The following GALNT13 variants were observed in gnomAD, a reference collection of about 807,000 sequenced individuals.
The protein encoded by GALNT13 is UDP-GalNAc:polypeptide N-acetylgalactosaminyltransferase 13.
Under a neutral mutation model 64.2 loss-of-function variants are expected in GALNT13, and 28 were observed. That is an observed-to-expected ratio of 0.44 (90% CI 0.32 to 0.60). The LOEUF (loss-of-function observed/expected upper bound fraction) is 0.60. GALNT13 is among the 20% of genes least tolerant of loss of function. The pLI is 0.05. For synonymous variants in GALNT13, 214 were observed against 224.6 expected (o/e 0.95, Z 0.42); for missense variants, 577 against 669.8 (o/e 0.86, Z 1.53).
the GALNT13 span, among the ~76,000 whole-genome samples, chr2:153,656,791 G>A: frequency 3.3e-5 from 5 of 152,056 alleles, no homozygotes; most frequent in East Asian, 1.9e-4. Flanking sequence ...CAGGAGAACC[G>A]GGGCATCAAA....
At chr2:153,607,524 C>T in the GALNT13 span, among the ~76,000 whole-genome samples, 1 of 151,958 alleles carries the variant, frequency 6.6e-6, no homozygotes, top group Non-Finnish European at 1.5e-5. Context: ...ATTAAGAATC[C>T]TTTGTAATCA....
chr2:153,299,741 G>C, the GALNT13 span, among the ~76,000 whole-genome samples: 1 of 152,308 alleles, frequency 6.6e-6, no homozygotes, highest in East Asian at 1.9e-4. Context: ...CAGACCTTGA[G>C]GGCTGAATGG....
At chr2:153,403,824 T>C in the GALNT13 span, among the ~76,000 whole-genome samples, 1 of 152,170 alleles carries the variant, frequency 6.6e-6, no homozygotes, top group Non-Finnish European at 1.5e-5. Context: ...CTGCGCCCAC[T>C]GTCTGGCACT....
chr2:154,128,665 T>C (rs1422391694), intron 3 of GALNT13, among the ~76,000 whole-genome samples: 2 of 152,112 alleles, frequency 1.3e-5, no homozygotes, highest in Non-Finnish European at 2.9e-5. Flanking sequence ...TGATTAGATA[T>C]GTGATCACTG....
intron 9 of GALNT13, among the ~76,000 whole-genome samples, chr2:154,326,602 T>C (rs1038808159): frequency 6.6e-6 from 1 of 152,124 alleles, no homozygotes; most frequent in African/African-American, 2.4e-5. Context: ...CCTGTCTTGT[T>C]ACATAACAAT....
the GALNT13 span, among the ~76,000 whole-genome samples, chr2:153,757,602 A>G: frequency 6.6e-6 from 1 of 152,082 alleles, no homozygotes; most frequent in East Asian, 1.9e-4. Flanking sequence ...ATTCCCAACA[A>G]TAGTCTAGTA....
chr2:153,132,711 G>A, the GALNT13 span, among the ~76,000 whole-genome samples: 1 of 152,060 alleles, frequency 6.6e-6, no homozygotes, highest in Non-Finnish European at 1.5e-5. Context: ...AATCAGCATG[G>A]AATTATTAAA....
the GALNT13 span, among the ~76,000 whole-genome samples, chr2:153,720,630 C>T: frequency 6.6e-6 from 1 of 151,534 alleles, no homozygotes; most frequent in East Asian, 2.0e-4. Flanking sequence ...GCTGATCGAG[C>T]TGAAAACCAA....
At chr2:153,546,301 A>C in the GALNT13 span, among the ~76,000 whole-genome samples, 1 of 152,058 alleles carries the variant, frequency 6.6e-6, no homozygotes, top group African/African-American at 2.4e-5. Context: ...AGAATGATTG[A>C]AGAAGAGAGG....
At chr2:154,216,740 T>C (rs1252590527) in intron 4 of GALNT13, among the ~76,000 whole-genome samples, 1 of 151,640 alleles carries the variant, frequency 6.6e-6, no homozygotes, top group East Asian at 1.9e-4. Flanking sequence ...AAATGATTCA[T>C]TTTCCCTACT....
chr2:153,127,457 A>T, the GALNT13 span, among the ~76,000 whole-genome samples: 52 of 152,298 alleles, frequency 3.4e-4, no homozygotes, highest in Non-Finnish European at 5.9e-4. Context: ...CATTTCATCA[A>T]CATTCTTCCC....
the GALNT13 span, among the ~76,000 whole-genome samples, chr2:153,371,691 G>C: frequency 6.6e-6 from 1 of 152,120 alleles, no homozygotes; most frequent in African/African-American, 2.4e-5. Flanking sequence ...GGATTGGAAG[G>C]CTCAATAGAG....
chr2:153,106,288 A>G, the GALNT13 span, among the ~76,000 whole-genome samples: 1 of 152,216 alleles, frequency 6.6e-6, no homozygotes, highest in African/African-American at 2.4e-5. Flanking sequence ...TGTAGTTGGC[A>G]TATCTCTGAA....
chr2:153,220,004 T>C, the GALNT13 span, among the ~76,000 whole-genome samples: 1 of 152,364 alleles, frequency 6.6e-6, no homozygotes, highest in South Asian at 2.1e-4. Context: ...TTACTCCCCT[T>C]CATCCTCGCT....
chr2:153,126,262 T>G, the GALNT13 span, among the ~76,000 whole-genome samples: 1 of 146,052 alleles, frequency 6.8e-6, no homozygotes, highest in Non-Finnish European at 1.5e-5. Flanking sequence ...ATTTTTGTAA[T>G]CAAATGCTAG....
chr2:153,117,746 A>G, the GALNT13 span, among the ~76,000 whole-genome samples: 1 of 152,036 alleles, frequency 6.6e-6, no homozygotes, highest in Non-Finnish European at 1.5e-5. Context: ...CTCACACTTC[A>G]CTTACCCTGT....
chr2:153,623,786 T>A, the GALNT13 span, among the ~76,000 whole-genome samples: 5 of 152,050 alleles, frequency 3.3e-5, no homozygotes, highest in Admixed American at 3.3e-4. Context: ...TTATTAAAAA[T>A]GTTGAGTTTC....
At chr2:154,426,772 G>A (rs1386078538) in intron 11 of GALNT13, among the ~76,000 whole-genome samples, 1 of 152,158 alleles carries the variant, frequency 6.6e-6, no homozygotes, top group African/African-American at 2.4e-5. Context: ...AAGTAGAATA[G>A]AAATGTCAGT....
chr2:154,079,329 A>G (rs1427634066), intron 3 of GALNT13, among the ~76,000 whole-genome samples: 1 of 151,676 alleles, frequency 6.6e-6, no homozygotes, highest in Non-Finnish European at 1.5e-5. Context: ...ATGAAGATAA[A>G]TATTTGTGAA....
Sources: allele counts gnomAD v4.1 joint callset (sites outside exome capture counted in the v4.1 genomes callset), GRCh38; gene constraint gnomAD v4.1.1; transcripts MANE v1.5; gene names NCBI Gene and HGNC (gene_info 2026-07-23, HGNC 2026-07-21).